Variants in RBFOX1 observed in about 807,000 individuals in gnomAD.
The protein encoded by RBFOX1 is RNA binding fox-1 homolog 1.
A neutral mutation model predicts 57.7 loss-of-function variants in RBFOX1; 8 were observed. That is an observed-to-expected ratio of 0.14 (90% confidence interval 0.08 to 0.25). The LOEUF (loss-of-function observed/expected upper bound fraction) is 0.25. Ranked by LOEUF, RBFOX1 falls within the 10% of genes least tolerant of loss-of-function variation. The pLI is 1.00. For synonymous variants in RBFOX1, 326 were observed against 222.4 expected (o/e 1.47, Z -4.15); for missense variants, 611 against 548.5 (o/e 1.11, Z -1.14).
At chr16:7,230,523 G>A (rs2093436809) in intron 4 of RBFOX1, among the ~76,000 whole-genome samples, 1 of 152,120 alleles carries the variant, frequency 6.6e-6, no homozygotes, top group Admixed American at 6.5e-5. Context: ...ATGAAGCACT[G>A]CTTGACAGAT....
intron 1 of RBFOX1, among the ~76,000 whole-genome samples, chr16:6,155,828 C>G (rs151174624): frequency 7.2e-5 from 11 of 152,196 alleles, no homozygotes; most frequent in Non-Finnish European, 1.2e-4. Context: ...TTTAAAAGAA[C>G]ACACTTTATT....
rs1445973315 is a variant in RBFOX1, at chr16:7,089,790, A to G, written c.27+37692A>G. On this transcript the variant is annotated intron_variant, in intron 4 of 15. Transcript: ENST00000550418. The stretch of plus-strand genomic sequence containing the variant: ...ATTTCTATTTTCTTCTCTCAGACCA[A>G]TGCATTTTAGGGCTACATGGCTTTA... Among the ~76,000 whole-genome samples, 5 of 152,132 alleles carry G rather than the reference A, an allele frequency of 3.3e-5. 1 individual carries two copies. Among genetic ancestry groups the G allele is most frequent in the Non-Finnish European group, 2.9e-5 (2 of 68,018 alleles).
chr16:5,716,149 C>T (rs916657317), intron 3 of RBFOX1, among the ~76,000 whole-genome samples: 2 of 152,150 alleles, frequency 1.3e-5, no homozygotes, highest in Non-Finnish European at 1.5e-5. Context: ...TTCACGTAAA[C>T]CTTTGGAAGC....
intron 3 of RBFOX1, among the ~76,000 whole-genome samples, chr16:5,619,535 G>C (rs757219175): frequency 2.6e-5 from 4 of 152,176 alleles, no homozygotes; most frequent in Non-Finnish European, 5.9e-5. Context: ...TTTCACTCGA[G>C]AGAAATTGGA....
At chr16:7,001,000 C>T (rs970605329) in intron 3 of RBFOX1, among the ~76,000 whole-genome samples, 1 of 152,112 alleles carries the variant, frequency 6.6e-6, no homozygotes, top group Non-Finnish European at 1.5e-5. Flanking sequence ...CACTAGCAAC[C>T]ATTACCATCA....
chr16:7,417,401 C>T (rs1037795582), intron 4 of RBFOX1, among the ~76,000 whole-genome samples: 1 of 148,754 alleles, frequency 6.7e-6, no homozygotes, highest in Non-Finnish European at 1.5e-5. Context: ...GAGATGACCC[C>T]ATATCCTGTT....
chr16:6,248,651 T>C (rs752005344), intron 1 of RBFOX1, among the ~76,000 whole-genome samples: 2 of 152,090 alleles, frequency 1.3e-5, no homozygotes, highest in Non-Finnish European at 2.9e-5. Flanking sequence ...GGGGGAGGTA[T>C]TTTAATTTTA....
intron 2 of RBFOX1, among the ~76,000 whole-genome samples, chr16:5,596,832 C>T (rs1277281647): frequency 6.6e-6 from 1 of 152,204 alleles, no homozygotes; most frequent in Non-Finnish European, 1.5e-5. Context: ...TCTCCCCATT[C>T]AGGCTACTAC....
At chr16:6,222,566 G>T (rs1316959836) in intron 1 of RBFOX1, among the ~76,000 whole-genome samples, 1 of 151,690 alleles carries the variant, frequency 6.6e-6, no homozygotes, top group Non-Finnish European at 1.5e-5. Context: ...CCTAACTTTA[G>T]TGCACATAAC....
intron 1 of RBFOX1, among the ~76,000 whole-genome samples, chr16:6,056,085 A>G (rs1249425527): frequency 6.6e-6 from 1 of 152,176 alleles, no homozygotes; most frequent in Non-Finnish European, 1.5e-5. Context: ...GGGTGGAGCT[A>G]AACAAATCTA....
intron 1 of RBFOX1, among the ~76,000 whole-genome samples, chr16:5,458,726 C>T (rs1207272948): frequency 6.6e-6 from 1 of 152,188 alleles, no homozygotes; most frequent in East Asian, 1.9e-4. Flanking sequence ...GTATTCCTAA[C>T]AACAGGAGAA....
chr16:6,844,461 C>G (rs1237933976), intron 3 of RBFOX1, among the ~76,000 whole-genome samples: 1 of 152,136 alleles, frequency 6.6e-6, no homozygotes, highest in African/African-American at 2.4e-5. Flanking sequence ...GTTTTCTGTT[C>G]CTGCGTTAGT....
intron 4 of RBFOX1, among the ~76,000 whole-genome samples, chr16:7,225,205 C>G (rs1391878437): frequency 2.0e-5 from 3 of 152,158 alleles, no homozygotes; most frequent in Admixed American, 6.5e-5. Context: ...TGCACGTGAT[C>G]TCCTTTCCAT....
intron 2 of RBFOX1, among the ~76,000 whole-genome samples, chr16:6,514,981 A>G (rs1393588701): frequency 6.6e-6 from 1 of 152,154 alleles, no homozygotes; most frequent in East Asian, 1.9e-4. Flanking sequence ...AACAAGAACA[A>G]AAACAACCAG....
At chr16:6,690,841 C>G (rs2060109791) in intron 3 of RBFOX1, among the ~76,000 whole-genome samples, 1 of 148,956 alleles carries the variant, frequency 6.7e-6, no homozygotes, top group African/African-American at 2.5e-5. Flanking sequence ...CCTCTAAATT[C>G]ACATTACTGA....
intron 6 of RBFOX1, among the ~76,000 whole-genome samples, chr16:7,586,161 G>A (rs1353208665): frequency 1.3e-5 from 2 of 152,168 alleles, no homozygotes; most frequent in African/African-American, 2.4e-5. Context: ...TCTGCATGGA[G>A]ATAAAATTCC....
intron 3 of RBFOX1, among the ~76,000 whole-genome samples, chr16:6,692,860 C>A (rs2060411031): frequency 2.0e-5 from 3 of 151,830 alleles, no homozygotes; most frequent in Admixed American, 1.3e-4. Flanking sequence ...CCACCATCAT[C>A]ATCACCATCC....
chr16:7,265,131 C>G (rs1424620832), intron 4 of RBFOX1, among the ~76,000 whole-genome samples: 2 of 152,230 alleles, frequency 1.3e-5, no homozygotes, highest in Admixed American at 6.5e-5. Context: ...AGACTCTGTT[C>G]TGCGCACTAA....
At chr16:7,489,228 C>A (rs947968367) in intron 4 of RBFOX1, among the ~76,000 whole-genome samples, 4 of 152,068 alleles carry the variant, frequency 2.6e-5, no homozygotes, top group African/African-American at 7.2e-5. Flanking sequence ...GTAACTGATA[C>A]CTTTTTTTAA....
Sources: gnomAD v4.1 joint callset for allele counts (sites outside exome capture counted in the v4.1 genomes callset) on GRCh38, gnomAD v4.1.1 for gene constraint, MANE v1.5 for transcripts, NCBI Gene and HGNC (gene_info 2026-07-23, HGNC 2026-07-21) for gene names.